PLEKHA7: variants seen among roughly 807,000 people sequenced by gnomAD.
PLEKHA7 encodes the protein pleckstrin homology domain containing A7.
In PLEKHA7, 104 loss-of-function variants were observed where a neutral mutation model predicts 170.0. The observed-to-expected ratio is 0.61, with a 90% CI of 0.52 to 0.72. The LOEUF is 0.72. Ranked by LOEUF, PLEKHA7 falls within the 30% of genes least tolerant of loss-of-function variation. The pLI, the probability that PLEKHA7 is intolerant of heterozygous loss-of-function variation, is 0.00. For missense variants in PLEKHA7, 1,615 were observed against 1,671.7 expected (o/e 0.97, Z 0.59); for synonymous variants, 648 against 660.8 (o/e 0.98, Z 0.30).
intron 3 of PLEKHA7, among the ~76,000 whole-genome samples, chr11:16,959,974 C>G (rs886359008): frequency 6.6e-6 from 1 of 152,098 alleles, no homozygotes; most frequent in African/African-American, 2.4e-5. Flanking sequence ...CTACTGCCCC[C>G]CAAGGGATCT....
chr11:17,001,551 C>G (rs1423478279), intron 3 of PLEKHA7, among the ~76,000 whole-genome samples: 1 of 152,186 alleles, frequency 6.6e-6, no homozygotes, highest in Non-Finnish European at 1.5e-5. Context: ...GGAAGCTGTG[C>G]AGCCAGTGGC....
chr11:16,793,153 C>T (rs1847974550), intron 19 of PLEKHA7, among the ~76,000 whole-genome samples: 2 of 152,206 alleles, frequency 1.3e-5, no homozygotes, highest in Admixed American at 1.3e-4. Context: ...ACGGACTTGC[C>T]TGAGGACACA....
intron 9 of PLEKHA7, among the ~76,000 whole-genome samples, chr11:16,834,028 C>T (rs10766350): frequency 0.63 from 94,778 of 151,468 alleles, 30,232 homozygotes; most frequent in East Asian, 0.87. Flanking sequence ...TTTTGTTTTT[C>T]GAGATGGAGT....
intron 3 of PLEKHA7, among the ~76,000 whole-genome samples, chr11:16,965,252 G>A (rs1002270763): frequency 6.6e-6 from 1 of 152,084 alleles, no homozygotes; most frequent in Non-Finnish European, 1.5e-5. Flanking sequence ...GAACCTGGGA[G>A]GCAGAGGTTA....
chr11:17,007,998 T>C (rs1444939231), intron 3 of PLEKHA7, among the ~76,000 whole-genome samples: 2 of 152,210 alleles, frequency 1.3e-5, no homozygotes, highest in Non-Finnish European at 1.5e-5. Flanking sequence ...GAGCCTTGCA[T>C]TTTCATTTTA....
chr11:16,793,582 CA>C (rs1334263548), intron 19 of PLEKHA7, among the ~76,000 whole-genome samples: 1 of 152,214 alleles, frequency 6.6e-6, no homozygotes, highest in Non-Finnish European at 1.5e-5. Context: ...CCTTTGTTGG[CA>C]AAAATCTGGA....
chr11:16,938,548 A>G (rs1160794904), intron 3 of PLEKHA7, among the ~76,000 whole-genome samples: 1 of 152,118 alleles, frequency 6.6e-6, no homozygotes, highest in Non-Finnish European at 1.5e-5. Flanking sequence ...TAAATGTGTA[A>G]CTGAAGTTCT....
intron 8 of PLEKHA7, among the ~76,000 whole-genome samples, chr11:16,848,301 A>C (rs1852631087): frequency 1.3e-5 from 2 of 152,242 alleles, no homozygotes. Context: ...ATACTACCCC[A>C]TAGACAATCA....
chr11:16,838,701 T>TTTC (rs1851720835), intron 9 of PLEKHA7, among the ~76,000 whole-genome samples: 1 of 145,262 alleles, frequency 6.9e-6, no homozygotes, highest in East Asian at 2.0e-4. Context: ...TTCTTTTTTT[T>TTTC]TTTTTTTTTT....
At chr11:16,899,714 C>T (rs1857210304) in intron 3 of PLEKHA7, among the ~76,000 whole-genome samples, 1 of 152,050 alleles carries the variant, frequency 6.6e-6, no homozygotes, top group Non-Finnish European at 1.5e-5. Context: ...CTATGTACTT[C>T]CCATATGATT....
chr11:16,907,907 T>C (rs1250972129), intron 3 of PLEKHA7, among the ~76,000 whole-genome samples: 2 of 145,882 alleles, frequency 1.4e-5, no homozygotes, highest in Non-Finnish European at 3.0e-5. Flanking sequence ...CTTTTCATTT[T>C]GTTCTGTACT....
chr11:16,787,298 C>T (rs1469199584), intron 23 of PLEKHA7: 6 of 921,522 alleles, frequency 6.5e-6, no homozygotes, highest in Middle Eastern at 5.6e-4. Flanking sequence ...CCCATCCATC[C>T]ACCTCAAAGC....
chr11:16,986,132 T>C (rs1279545095), intron 3 of PLEKHA7, among the ~76,000 whole-genome samples: 2 of 152,128 alleles, frequency 1.3e-5, no homozygotes, highest in African/African-American at 2.4e-5. Context: ...GGGAATGGTG[T>C]GCTTTAACAG....
At chr11:16,848,192 C>T (rs1384381812) in intron 8 of PLEKHA7, among the ~76,000 whole-genome samples, 2 of 152,232 alleles carry the variant, frequency 1.3e-5, no homozygotes, top group Non-Finnish European at 2.9e-5. Flanking sequence ...GTTGTCTTCT[C>T]ATCCTGTAAT....
chr11:17,001,819 C>A (rs1864680587), intron 3 of PLEKHA7, among the ~76,000 whole-genome samples: 1 of 151,670 alleles, frequency 6.6e-6, no homozygotes, highest in African/African-American at 2.4e-5. Flanking sequence ...CAAGAGGTAG[C>A]CAGCAGCCCC....
chr11:16,790,459 C>T (rs1332405409), intron 21 of PLEKHA7: 2 of 232,546 alleles, frequency 8.6e-6, no homozygotes, highest in Non-Finnish European at 1.7e-5. Context: ...TTTCTCTGGG[C>T]CTTAGTTTCT....
At chr11:16,949,094 C>A (rs1183670439) in intron 3 of PLEKHA7, among the ~76,000 whole-genome samples, 1 of 152,088 alleles carries the variant, frequency 6.6e-6, no homozygotes, top group African/African-American at 2.4e-5. Context: ...TGACTCCATC[C>A]CCCAGAAAGC....
intron 3 of PLEKHA7, among the ~76,000 whole-genome samples, chr11:16,874,833 G>A (rs1855151466): frequency 6.6e-6 from 1 of 152,148 alleles, no homozygotes; most frequent in African/African-American, 2.4e-5. Context: ...TGGCAGATGA[G>A]GTTAAAGAGC....
chr11:16,875,397 T>C (rs1056211775), intron 3 of PLEKHA7, among the ~76,000 whole-genome samples: 5 of 151,896 alleles, frequency 3.3e-5, no homozygotes, highest in Middle Eastern at 3.4e-3. Context: ...AGAAAAGAGA[T>C]GAACCAGAGT....
Sources: allele counts gnomAD v4.1 joint callset (sites outside exome capture counted in the v4.1 genomes callset), GRCh38; gene constraint gnomAD v4.1.1; transcripts MANE v1.5; gene names NCBI Gene and HGNC (gene_info 2026-07-23, HGNC 2026-07-21).